KIAA1549L: variants seen among roughly 807,000 people sequenced by gnomAD.
KIAA1549L encodes the protein KIAA1549 like.
In KIAA1549L, 88 loss-of-function variants were observed where a neutral mutation model predicts 160.7. That is an observed-to-expected ratio of 0.55 (90% CI 0.46 to 0.65). The LOEUF is 0.65. KIAA1549L is among the 30% of genes least tolerant of loss of function. The pLI, the probability that KIAA1549L is intolerant of heterozygous loss-of-function variation, is 0.00. For missense variants in KIAA1549L, 2,258 were observed against 2,437.5 expected (o/e 0.93, Z 1.55); for synonymous variants, 950 against 976.7 (o/e 0.97, Z 0.51).
intron 12 of KIAA1549L, among the ~76,000 whole-genome samples, chr11:33,595,975 T>C (rs1850188431): frequency 6.6e-6 from 1 of 152,178 alleles, no homozygotes; most frequent in Non-Finnish European, 1.5e-5. Context: ...TGTTGATATA[T>C]GACTGAGATT....
In KIAA1549L at chr11:33,477,507, G is replaced by GCACGCGCACACACA. The variant is rs374982374; in HGVS notation, c.239-64292_239-64291insGCGCACACACACAC. The stretch of plus-strand genomic sequence containing the variant: ...GTGGTGGAGTGCCACGCAGGTGCAC[G>GCACGCGCACACACA]CACACACACACAAACACACACACAC... On this transcript the variant is annotated intron_variant, in intron 1 of 20. Transcript: ENST00000658780. 5.6e-3 allele frequency among the ~76,000 whole-genome samples: 737 copies of GCACGCGCACACACA among 131,798 alleles called. 3 individuals carry two copies. The highest frequency in any genetic ancestry group is 0.02 in the African/African-American group (550 of 27,638). 86.5% of individuals were successfully genotyped at this position (131,798 alleles called of 152,430 possible).
chr11:33,591,431 G>C lies in KIAA1549L; in HGVS notation c.4751+10G>C, dbSNP rs368040262. On this transcript the variant is annotated intron_variant, in intron 12 of 20. Transcript: ENST00000658780. ...CTGAAACCAGGAAGAGGTAGGCACGGGGCTGACTTCTGCCTCTCTGTGTCA... is the reference window on the plus strand; with the variant it reads ...CTGAAACCAGGAAGAGGTAGGCACGCGGCTGACTTCTGCCTCTCTGTGTCA... 3.0e-5 allele frequency: 47 copies of C among 1,583,862 alleles called. No homozygotes were observed. In the African/African-American group the frequency reaches 6.1e-4, roughly 21 times the overall value.
At chr11:33,513,459 G>T (rs1853271508) in intron 1 of KIAA1549L, among the ~76,000 whole-genome samples, 1 of 152,160 alleles carries the variant, frequency 6.6e-6, no homozygotes, top group Non-Finnish European at 1.5e-5. Flanking sequence ...CACTGGGCTT[G>T]GTGGGAGAAC....
intron 1 of KIAA1549L, among the ~76,000 whole-genome samples, chr11:33,378,808 C>T (rs748860109): frequency 2.0e-5 from 3 of 152,074 alleles, no homozygotes; most frequent in Non-Finnish European, 4.4e-5. Flanking sequence ...CACTGGGTTC[C>T]CTGTGTGTAA....
intron 1 of KIAA1549L, among the ~76,000 whole-genome samples, chr11:33,456,245 C>T (rs1313403903): frequency 2.0e-5 from 3 of 152,072 alleles, no homozygotes; most frequent in African/African-American, 7.2e-5. Flanking sequence ...AATTTTTCCC[C>T]CTAGGGCAGC....
At chr11:33,407,936 A>G (rs988341881) in intron 1 of KIAA1549L, among the ~76,000 whole-genome samples, 3 of 151,970 alleles carry the variant, frequency 2.0e-5, no homozygotes, top group Non-Finnish European at 2.9e-5. Context: ...TCTTTAGTCA[A>G]CTTCCTACTG....
chr11:33,392,520 T>G (rs1027680954), intron 1 of KIAA1549L, among the ~76,000 whole-genome samples: 3 of 152,070 alleles, frequency 2.0e-5, no homozygotes, highest in Non-Finnish European at 4.4e-5. Context: ...TTTTCTTGAG[T>G]TTTTACAAAT....
At chr11:33,564,440 T>C (rs1352831194) in intron 8 of KIAA1549L, among the ~76,000 whole-genome samples, 2 of 152,202 alleles carry the variant, frequency 1.3e-5, no homozygotes, top group Non-Finnish European at 2.9e-5. Context: ...TGCACATACT[T>C]CTCCTGCCTC....
At chr11:33,605,638 G>A (rs1251573282) in intron 13 of KIAA1549L, among the ~76,000 whole-genome samples, 2 of 152,180 alleles carry the variant, frequency 1.3e-5, no homozygotes, top group Non-Finnish European at 2.9e-5. Flanking sequence ...TACAAACTAT[G>A]TGTTTCTCAA....
At chr11:33,652,606 A>G (rs887390374) in intron 17 of KIAA1549L, among the ~76,000 whole-genome samples, 1 of 152,248 alleles carries the variant, frequency 6.6e-6, no homozygotes, top group Non-Finnish European at 1.5e-5. Flanking sequence ...AAGCCTTCCA[A>G]CAACCTGAGA....
chr11:33,457,761 G>A (rs1183167322), intron 1 of KIAA1549L, among the ~76,000 whole-genome samples: 1 of 152,186 alleles, frequency 6.6e-6, no homozygotes, highest in African/African-American at 2.4e-5. Flanking sequence ...TTCTGACCTA[G>A]GTTTTGAAAG....
chr11:33,479,396 A>G (rs546516168), intron 1 of KIAA1549L, among the ~76,000 whole-genome samples: 1 of 152,330 alleles, frequency 6.6e-6, no homozygotes, highest in East Asian at 1.9e-4. Context: ...CGAGGGAGGG[A>G]ACTGGGGGAC....
In KIAA1549L at chr11:33,453,513, G is replaced by A. The variant is rs1851763302; in HGVS notation, c.238+76624G>A. On this transcript the variant is annotated intron_variant, in intron 1 of 20. Coordinates refer to ENST00000658780, the MANE Select transcript of KIAA1549L (RefSeq NM_012194.3). ...GGTGTGATTGTTGTCTCATGCTTAA[G>A]GATCCTGGGGAGATTTTCTTGGAGT... 1.3e-5 allele frequency among the ~76,000 whole-genome samples: 2 copies of A among 152,180 alleles called. 1 individual carries two copies. The highest frequency in any genetic ancestry group is 4.1e-4 in the South Asian group (2 of 4,826).
chr11:33,475,896 C>G (rs1324076984), intron 1 of KIAA1549L, among the ~76,000 whole-genome samples: 3 of 152,054 alleles, frequency 2.0e-5, no homozygotes, highest in Non-Finnish European at 4.4e-5. Context: ...TAGTCTCTCT[C>G]CCGCCTGCCC....
chr11:33,588,156 TG>T (rs1849936324), intron 11 of KIAA1549L, among the ~76,000 whole-genome samples: 1 of 152,184 alleles, frequency 6.6e-6, no homozygotes, highest in South Asian at 2.1e-4. Context: ...TGATATAAGT[TG>T]TATACTGTCT....
chr11:33,499,699 C>A (rs1045391412), intron 1 of KIAA1549L, among the ~76,000 whole-genome samples: 4 of 152,318 alleles, frequency 2.6e-5, no homozygotes, highest in Middle Eastern at 3.4e-3. Context: ...TCCAGCCCAT[C>A]ATTTCATCAC....
intron 3 of KIAA1549L, 142 bp downstream of exon 3, chr11:33,545,520 T>C: frequency 9.6e-7 from 1 of 1,046,704 alleles, no homozygotes; most frequent in South Asian, 1.7e-5. Context: ...TCTGGAGACA[T>C]TTTTGGTTGT....
intron 4 of KIAA1549L, 135 bp downstream of exon 4, chr11:33,548,014 C>A: frequency 3.1e-6 from 2 of 636,638 alleles, no homozygotes; most frequent in Non-Finnish European, 5.5e-6. Flanking sequence ...TTCACTTTGG[C>A]AACTAGCTAA....
Position 33,574,777 on chromosome 11 carries a change from C to G in KIAA1549L, c.4306C>G (p.Pro1436Ala). ...LTYYTLYNGK[P>A]LLGTAAAKIL... ...TTACTATACCCTGTACAACGGGAAG[C>G]CTTTGTTGGGGACCGCAGCTGCCAA... Residue 1436 changes from proline (P) to alanine (A), a missense_variant, in exon 10 of 21, where the codon CCT becomes GCT. This residue lies in a region of KIAA1549L where 1,359 missense variants were observed against 1,546.6 expected (regional missense o/e 0.88). Coordinates refer to ENST00000658780, the MANE Select transcript of KIAA1549L (RefSeq NM_012194.3). 1.4e-5 allele frequency: 23 copies of G among 1,613,960 alleles called. No homozygotes were observed. The highest frequency in any genetic ancestry group is 1.9e-5 in the Non-Finnish European group (23 of 1,179,840).
Sources: allele counts gnomAD v4.1 joint callset (sites outside exome capture counted in the v4.1 genomes callset), GRCh38; gene constraint gnomAD v4.1.1; regional missense constraint gnomAD v4.1.1; transcripts MANE v1.5; gene names NCBI Gene and HGNC (gene_info 2026-07-23, HGNC 2026-07-21).